SLC35A1: variants seen among roughly 807,000 people sequenced by gnomAD.
The protein encoded by SLC35A1 is solute carrier family 35 member A1.
SLC35A1 carries 21 observed loss-of-function variants against 40.3 expected under a neutral mutation model. The ratio of observed to expected loss-of-function variants is 0.52; its 90% CI spans 0.37 to 0.75. The LOEUF is 0.75. Ranked by LOEUF, SLC35A1 falls within the 30% of genes least tolerant of loss-of-function variation. The probability of loss-of-function intolerance (pLI) is 0.00; values close to 1 mark genes in which losing one functional copy is unlikely to be tolerated. For synonymous variants in SLC35A1, 146 were observed against 147.3 expected (o/e 0.99, Z 0.06); for missense variants, 297 against 382.1 (o/e 0.78, Z 1.86).
chr6:87,486,779 CT>C lies in SLC35A1; in HGVS notation c.194+9242del, dbSNP rs377277117. Among the ~76,000 whole-genome samples, 349 of 152,232 alleles carry C rather than the reference CT, an allele frequency of 2.3e-3. 1 individual carries two copies. The highest frequency in any genetic ancestry group is 7.4e-3 in the African/African-American group (308 of 41,542). On this transcript the variant is annotated intron_variant, in intron 2 of 7. Transcript: ENST00000369552. ...TTGAAATCCCTGAGGCAGAAAAGTC[CT>C]TGACTTTGGTGCTGAGATGAAGCAG...
chr6:87,474,602 G>C (rs1298039933), intron 1 of SLC35A1, among the ~76,000 whole-genome samples: 1 of 152,194 alleles, frequency 6.6e-6, no homozygotes, highest in Non-Finnish European at 1.5e-5. Context: ...TGAAATAATT[G>C]AAATTGCTAA....
intron 2 of SLC35A1, chr6:87,496,208 G>C (rs1007732469): frequency 3.3e-5 from 5 of 152,158 alleles, no homozygotes; most frequent in Admixed American, 3.3e-4. Flanking sequence ...AGGAAATTTA[G>C]TGGGAGAGGC....
chr6:87,495,128 C>A (rs373595088), intron 2 of SLC35A1, among the ~76,000 whole-genome samples: 1 of 152,182 alleles, frequency 6.6e-6, no homozygotes, highest in South Asian at 2.1e-4. Flanking sequence ...TAGCACCACA[C>A]CCAGCTAATT....
At chr6:87,480,726 A>G (rs116948223) in intron 2 of SLC35A1, among the ~76,000 whole-genome samples, 11,677 of 151,312 alleles carry the variant, frequency 0.077, 476 homozygotes, top group East Asian at 0.097. Context: ...TGGTAGGAAC[A>G]GTAATGGATA....
At chr6:87,497,240 T>A (rs1371345579) in intron 2 of SLC35A1, among the ~76,000 whole-genome samples, 1 of 152,130 alleles carries the variant, frequency 6.6e-6, no homozygotes, top group Non-Finnish European at 1.5e-5. Flanking sequence ...GTAACATTGC[T>A]ATAATCTTTG....
chr6:87,475,871 G>C (rs1034727590), intron 1 of SLC35A1, among the ~76,000 whole-genome samples: 7 of 152,204 alleles, frequency 4.6e-5, no homozygotes, highest in Non-Finnish European at 1.0e-4. Flanking sequence ...GCTCTGGAAA[G>C]CCTAAAATAT....
At chr6:87,496,308 T>TA (rs947500282) in intron 2 of SLC35A1, among the ~76,000 whole-genome samples, 2 of 152,078 alleles carry the variant, frequency 1.3e-5, no homozygotes, top group Admixed American at 6.5e-5. Context: ...ATGATAAAAA[T>TA]AAAAAGAATT....
intron 2 of SLC35A1, among the ~76,000 whole-genome samples, chr6:87,487,117 A>G (rs1343128788): frequency 1.3e-5 from 2 of 152,180 alleles, no homozygotes; most frequent in East Asian, 1.9e-4. Flanking sequence ...CAGAGGTTGT[A>G]GTGAGCTGAG....
intron 2 of SLC35A1, among the ~76,000 whole-genome samples, chr6:87,478,245 G>A (rs1769131695): frequency 6.6e-6 from 1 of 152,206 alleles, no homozygotes; most frequent in Non-Finnish European, 1.5e-5. Flanking sequence ...TAGGGGCATT[G>A]GAGGAGATAG....
chr6:87,506,480 G>A, intron 5 of SLC35A1, 32 bp downstream of exon 5: 1 of 1,594,722 alleles, frequency 6.3e-7, no homozygotes, highest in East Asian at 2.2e-5. Flanking sequence ...TTATTCTTTT[G>A]TCATATTTTT....
intron 2 of SLC35A1, among the ~76,000 whole-genome samples, chr6:87,479,793 T>C (rs2127963933): frequency 6.6e-6 from 1 of 152,354 alleles, no homozygotes; most frequent in African/African-American, 2.4e-5. Context: ...TTTTATTAAT[T>C]GTGACCCACC....
chr6:87,500,747 C>G, intron 3 of SLC35A1, 80 bp downstream of exon 3: 1 of 1,220,690 alleles, frequency 8.2e-7, no homozygotes, highest in South Asian at 1.4e-5. Flanking sequence ...ATCATATTAT[C>G]AATTTTTTTT....
chr6:87,496,795 G>A (rs7763877), intron 2 of SLC35A1, among the ~76,000 whole-genome samples: 126,456 of 138,748 alleles, frequency 0.91, 57,789 homozygotes, highest in East Asian at 0.99. Context: ...AAAAAAAAAA[G>A]AAAAACCCAC....
intron 7 of SLC35A1, 37 bp downstream of exon 7, chr6:87,509,212 G>T (rs753281737): frequency 1.2e-6 from 2 of 1,612,854 alleles, no homozygotes; most frequent in Non-Finnish European, 1.7e-6. Flanking sequence ...TAACATGGAA[G>T]AGCCTCCCAT....
intron 5 of SLC35A1, 38 bp downstream of exon 5, chr6:87,506,486 T>C: frequency 1.3e-6 from 2 of 1,581,194 alleles, no homozygotes; most frequent in Non-Finnish European, 1.7e-6. Context: ...TTTTGTCATA[T>C]TTTTCGAAAA....
At chr6:87,503,954 C>T (rs1260346123) in intron 4 of SLC35A1, among the ~76,000 whole-genome samples, 1 of 152,132 alleles carries the variant, frequency 6.6e-6, no homozygotes, top group Non-Finnish European at 1.5e-5. Flanking sequence ...CAGCTGCAAT[C>T]ATTTATAATG....
At chr6:87,478,340 T>G (rs1289618651) in intron 2 of SLC35A1, among the ~76,000 whole-genome samples, 2 of 152,154 alleles carry the variant, frequency 1.3e-5, no homozygotes, top group African/African-American at 4.8e-5. Context: ...TTTTTTAATT[T>G]GAGAAAATAA....
At chr6:87,492,398 A>G (rs140722197) in intron 2 of SLC35A1, among the ~76,000 whole-genome samples, 159 of 152,008 alleles carry the variant, frequency 1.0e-3, no homozygotes, top group African/African-American at 3.6e-3. Flanking sequence ...AATTTGTAGA[A>G]TCTCTCAAAT....
intron 4 of SLC35A1, among the ~76,000 whole-genome samples, chr6:87,503,322 C>T (rs1051283736): frequency 1.3e-4 from 20 of 152,140 alleles, no homozygotes; most frequent in African/African-American, 4.8e-4. Context: ...CTGTTTCTAA[C>T]GTGGCTTATC....
Sources: allele counts gnomAD v4.1 joint callset (sites outside exome capture counted in the v4.1 genomes callset), GRCh38; gene constraint gnomAD v4.1.1; transcripts MANE v1.5; gene names NCBI Gene and HGNC (gene_info 2026-07-23, HGNC 2026-07-21).